Variants in RPS6KA2 observed in about 807,000 individuals in gnomAD.
RPS6KA2 encodes ribosomal protein S6 kinase A2, also known as ribosomal protein S6 kinase alpha-2.
A neutral mutation model predicts 91.8 loss-of-function variants in RPS6KA2; 42 were observed. That is an observed-to-expected ratio of 0.46 (90% confidence interval 0.36 to 0.59). RPS6KA2 has a LOEUF of 0.59. RPS6KA2 is among the 20% of genes least tolerant of loss of function. RPS6KA2 has a pLI of 0.00. For synonymous variants in RPS6KA2, 414 were observed against 393.6 expected (o/e 1.05, Z -0.61); for missense variants, 798 against 978.5 (o/e 0.82, Z 2.46).
intron 2 of RPS6KA2, among the ~76,000 whole-genome samples, chr6:166,795,583 T>C (rs1246857528): frequency 6.6e-6 from 1 of 152,208 alleles, no homozygotes. Flanking sequence ...ACTTTCCTTG[T>C]AAAGGGCAGG....
Position 166,569,452 on chromosome 6 carries a change from C to A in RPS6KA2, c.100-30668G>T, listed in dbSNP as rs997655325. 2.2e-4 allele frequency among the ~76,000 whole-genome samples: 34 copies of A among 152,214 alleles called. 1 individual carries two copies. The highest frequency in any genetic ancestry group is 2.1e-3 in the Admixed American group (32 of 15,288). On this transcript the variant is annotated intron_variant, in intron 1 of 20. Transcript: ENST00000265678. ...GTATGTGTCTCTTTCTGTAGAAGAA[C>A]CTTCTGGGTGGTTTGGGAAAGGCCC...
intron 2 of RPS6KA2, among the ~76,000 whole-genome samples, chr6:166,692,032 G>A (rs2128571474): frequency 6.6e-6 from 1 of 152,280 alleles, no homozygotes; most frequent in African/African-American, 2.4e-5. Flanking sequence ...TTAGTTACAG[G>A]TCAGGGCGTC....
At position 166,451,177 on chromosome 6, in the gene RPS6KA2, A is replaced by C. The variant is rs1214670472; in HGVS notation, c.1132T>G (p.Phe378Val). Residue 378 changes from phenylalanine (F) to valine (V), a missense_variant, in exon 13 of 21, where the codon TTT (phenylalanine) becomes GTT (valine). Phe to Val is a conservative substitution (Grantham distance 50, BLOSUM62 -1). Transcript: ENST00000265678. ...TCCTGGATCAGGCTTGAGGCCACAA[A>C]GCTGAATCCTCTAAACAGGTGATGA... ...NAHHLFRGFS[F>V]VASSLIQEPS... is the part of the protein sequence containing the mutation. 1 of 1,614,058 alleles carries C rather than the reference A, an allele frequency of 6.2e-7. No individual in the cohort carries two copies. Among genetic ancestry groups the C allele is most frequent in the Non-Finnish European group, 8.5e-7 (1 of 1,179,992 alleles).
chr6:166,444,191 T>C (rs3799672), intron 14 of RPS6KA2, among the ~76,000 whole-genome samples: 4,950 of 152,312 alleles, frequency 0.032, 210 homozygotes, highest in African/African-American at 0.088. Context: ...AATAGGAATA[T>C]TATTTTTTCT....
chr6:166,764,457 G>T (rs1178524891), intron 2 of RPS6KA2, among the ~76,000 whole-genome samples: 3 of 152,102 alleles, frequency 2.0e-5, no homozygotes, highest in African/African-American at 7.2e-5. Flanking sequence ...CGGGGCCCGC[G>T]CTTCCCTCCT....
intron 2 of RPS6KA2, among the ~76,000 whole-genome samples, chr6:166,812,861 A>G (rs1397970015): frequency 1.3e-5 from 2 of 152,216 alleles, no homozygotes; most frequent in African/African-American, 4.8e-5. Context: ...GTTATAAACT[A>G]CAGCAATCCC....
At chr6:166,485,217 A>C (rs1003855383) in intron 10 of RPS6KA2, among the ~76,000 whole-genome samples, 1 of 152,256 alleles carries the variant, frequency 6.6e-6, no homozygotes, top group African/African-American at 2.4e-5. Context: ...GGGTCACGGA[A>C]AAGAACAGCT....
At position 166,430,455 on chromosome 6, in the gene RPS6KA2, C is replaced by G. The variant is rs779268655; in HGVS notation, c.1579G>C (p.Gly527Arg). The G allele has an allele frequency of 6.2e-7, 1 of 1,611,070 alleles. No individual in the cohort carries two copies. Among genetic ancestry groups the G allele is most frequent in the Non-Finnish European group, 8.5e-7 (1 of 1,178,236 alleles). ...TKTMDYLHSQGVVHRDLKPSN... is the reference protein window; with the variant it reads ...TKTMDYLHSQRVVHRDLKPSN... ...GCTGCCCCAGGCATGGCTCCTACCC[C>G]CTGGGAATGGAGGTAGTCCATGGTC... Residue 527 changes from glycine to arginine, a missense_variant and splice_region_variant, in exon 16 of 21, where the codon GGG (glycine) becomes CGG (arginine). By Grantham distance (125) the Gly-to-Arg change is moderately radical. Transcript: ENST00000265678.
intron 2 of RPS6KA2, among the ~76,000 whole-genome samples, chr6:166,751,487 G>T (rs1263502590): frequency 6.6e-6 from 1 of 152,260 alleles, no homozygotes; most frequent in Non-Finnish European, 1.5e-5. Context: ...GCACCGCAGG[G>T]CGTGGAGGAG....
chr6:166,667,903 C>T (rs1403994433), intron 2 of RPS6KA2, among the ~76,000 whole-genome samples: 1 of 152,130 alleles, frequency 6.6e-6, no homozygotes, highest in East Asian at 1.9e-4. Context: ...CCTGAGTGTA[C>T]AAAGAAAAGA....
chr6:166,745,050 G>A (rs2128594511), intron 2 of RPS6KA2, among the ~76,000 whole-genome samples: 1 of 152,168 alleles, frequency 6.6e-6, no homozygotes, highest in Non-Finnish European at 1.5e-5. Context: ...TGGCAGGGTT[G>A]GCTTCTAGGG....
At chr6:166,625,331 A>ACC (rs10583661) in intron 1 of RPS6KA2, among the ~76,000 whole-genome samples, 21 of 52,590 alleles carry the variant, frequency 4.0e-4, no homozygotes, top group South Asian at 2.0e-3. Context: ...CCACCCCCCC[A>ACC]CCCCCCCCCC....
intron 2 of RPS6KA2, among the ~76,000 whole-genome samples, chr6:166,534,291 G>A (rs964133496): frequency 1.1e-4 from 16 of 151,376 alleles, no homozygotes; most frequent in African/African-American, 1.7e-4. Flanking sequence ...TTGGTGGTGC[G>A]TGCCTGTAGG....
At chr6:166,672,424 T>C (rs1021222702) in intron 2 of RPS6KA2, among the ~76,000 whole-genome samples, 14 of 152,190 alleles carry the variant, frequency 9.2e-5, no homozygotes, top group Non-Finnish European at 1.6e-4. Flanking sequence ...ACTTAACTGA[T>C]TTCCTGACCT....
At chr6:166,424,037 G>T (rs1778825542) in intron 16 of RPS6KA2, 1 of 152,422 alleles carries the variant, frequency 6.6e-6, no homozygotes, top group African/African-American at 2.4e-5. Context: ...ACAAAGCAAT[G>T]TGTTCTGAGG....
intron 1 of RPS6KA2, 40 bp from the exon 2 acceptor site, chr6:166,538,824 A>T (rs1245690490): frequency 9.2e-7 from 1 of 1,089,874 alleles, no homozygotes; most frequent in East Asian, 2.4e-5. Context: ...CACCGCGAGG[A>T]GTCCCTCAGA....
intron 2 of RPS6KA2, among the ~76,000 whole-genome samples, chr6:166,748,520 G>GC (rs1161157006): frequency 6.1e-5 from 9 of 147,998 alleles, no homozygotes; most frequent in African/African-American, 2.0e-4. Context: ...CTCCATGGGG[G>GC]CCCCACCTCC....
intron 2 of RPS6KA2, among the ~76,000 whole-genome samples, chr6:166,834,200 T>C (rs139753156): frequency 2.4e-4 from 36 of 152,356 alleles, no homozygotes; most frequent in Middle Eastern, 3.4e-3. Flanking sequence ...CAGCACTTGA[T>C]GCTGTCAGAC....
At position 166,618,920 on chromosome 6, in the gene RPS6KA2, C is replaced by T. The variant is rs141769481; in HGVS notation, c.99+8001G>A. On this transcript the variant is annotated intron_variant, in intron 1 of 20. Transcript: ENST00000265678. ...ACCCTGAGAGACACACTGGACGCTG[C>T]GCGCAAGAGCCCTGTGCATATGGAC... Among the ~76,000 whole-genome samples the T allele has an allele frequency of 5.0e-3, 764 of 151,732 alleles. 5 individuals are homozygous for T. Among genetic ancestry groups the T allele is most frequent in the Non-Finnish European group, 5.7e-3 (391 of 68,034 alleles).
Sources: allele counts gnomAD v4.1 joint callset (sites outside exome capture counted in the v4.1 genomes callset), GRCh38; gene constraint gnomAD v4.1.1; transcripts MANE v1.5; gene names NCBI Gene and HGNC (gene_info 2026-07-23, HGNC 2026-07-21).